Variants in PCCA observed in about 807,000 individuals in gnomAD.
The protein encoded by PCCA is propionyl-CoA carboxylase alpha chain, mitochondrial.
A neutral mutation model predicts 101.3 loss-of-function variants in PCCA; 74 were observed. The ratio of observed to expected loss-of-function variants is 0.73; its 90% CI spans 0.61 to 0.89. The LOEUF (loss-of-function observed/expected upper bound fraction) is 0.89, where lower values mean the gene tolerates loss of function less well. Ranked by LOEUF, PCCA falls within the 40% of genes least tolerant of loss-of-function variation. The probability of loss-of-function intolerance (pLI) is 0.00; values close to 1 mark genes in which losing one functional copy is unlikely to be tolerated. For synonymous variants in PCCA, 294 were observed against 313.6 expected (o/e 0.94, Z 0.66); for missense variants, 891 against 907.0 (o/e 0.98, Z 0.23).
chr13:100,484,304 G>A (rs1275309770), intron 21 of PCCA, among the ~76,000 whole-genome samples: 1 of 152,064 alleles, frequency 6.6e-6, no homozygotes, highest in African/African-American at 2.4e-5. Flanking sequence ...TGTTCTGCAG[G>A]AATTGACAGA....
intron 7 of PCCA, among the ~76,000 whole-genome samples, chr13:100,231,316 A>G (rs531717166): frequency 7.9e-4 from 120 of 152,176 alleles, no homozygotes; most frequent in African/African-American, 2.8e-3. Context: ...AAGGGGAGAG[A>G]GTTACTGGCT....
chr13:100,479,385 G>A (rs2083695178), intron 21 of PCCA, among the ~76,000 whole-genome samples: 1 of 152,170 alleles, frequency 6.6e-6, no homozygotes, highest in Non-Finnish European at 1.5e-5. Flanking sequence ...ACCCTGTGCA[G>A]TCAGAAATCT....
intron 19 of PCCA, among the ~76,000 whole-genome samples, chr13:100,371,906 A>G (rs1426829293): frequency 6.6e-6 from 1 of 152,208 alleles, no homozygotes; most frequent in Non-Finnish European, 1.5e-5. Flanking sequence ...GCTTTTGACA[A>G]GAGTTTCTAA....
chr13:100,494,474 G>A (rs900101646), intron 21 of PCCA, among the ~76,000 whole-genome samples: 5 of 151,908 alleles, frequency 3.3e-5, no homozygotes, highest in African/African-American at 7.3e-5. Context: ...ACCTGAGGTC[G>A]GGAGTTTGAG....
At chr13:100,349,709 TG>T (rs1224277315) in intron 18 of PCCA, among the ~76,000 whole-genome samples, 1 of 152,222 alleles carries the variant, frequency 6.6e-6, no homozygotes, top group Non-Finnish European at 1.5e-5. Context: ...GCACTCCCTT[TG>T]GTGGAGGATG....
chr13:100,352,343 C>T (rs371519287), intron 18 of PCCA, among the ~76,000 whole-genome samples: 7 of 150,438 alleles, frequency 4.7e-5, no homozygotes, highest in East Asian at 3.9e-4. Flanking sequence ...ACATTGTATT[C>T]GTAATATTAT....
intron 8 of PCCA, among the ~76,000 whole-genome samples, chr13:100,244,625 T>G (rs1482560439): frequency 1.3e-5 from 2 of 152,194 alleles, no homozygotes; most frequent in Non-Finnish European, 2.9e-5. Flanking sequence ...TTTTTTTGTT[T>G]GGAAACTTCC....
intron 18 of PCCA, among the ~76,000 whole-genome samples, chr13:100,341,979 A>ATATG (rs1555426220): frequency 1.1e-4 from 13 of 114,454 alleles, no homozygotes; most frequent in South Asian, 7.3e-4. Context: ...ATATATATAT[A>ATATG]TATGTATTTA....
intron 21 of PCCA, among the ~76,000 whole-genome samples, chr13:100,505,847 T>C (rs553548946): frequency 0.016 from 2,096 of 134,830 alleles, 48 homozygotes; most frequent in African/African-American, 0.053. Flanking sequence ...ACCCTGTTTC[T>C]CTGCCCACCC....
At chr13:100,256,053 G>A (rs1451304616) in intron 8 of PCCA, among the ~76,000 whole-genome samples, 1 of 151,968 alleles carries the variant, frequency 6.6e-6, no homozygotes, top group African/African-American at 2.4e-5. Flanking sequence ...GGAGTCTTGC[G>A]CTGGAGTGCA....
intron 12 of PCCA, among the ~76,000 whole-genome samples, chr13:100,275,847 A>G (rs970635055): frequency 1.3e-5 from 2 of 152,192 alleles, no homozygotes; most frequent in African/African-American, 4.8e-5. Context: ...CCAGACTGAC[A>G]AGGGAGCTTA....
rs765744368 is a variant in PCCA at position 100,301,602 on chromosome 13, A to G, written c.1208A>G (p.Glu403Gly). The G allele has an allele frequency of 6.2e-7, 1 of 1,614,058 alleles. No homozygotes were observed. ...GCAGTTGAATGTCGGGTTTATGCTG[A>G]GGTAAAATGAATGGTGTTGGGAGGA... The part of the protein sequence containing the change: ...GWAVECRVYA[E>G]DPYKSFGLPS... The change falls in exon 13 of 24, where the codon GAG becomes GGG. Residue 403 changes from glutamate (E) to glycine (G), a missense_variant and splice_region_variant. Transcript: ENST00000376285.
intron 5 of PCCA, among the ~76,000 whole-genome samples, chr13:100,156,805 G>T (rs2053937109): frequency 6.6e-6 from 1 of 152,194 alleles, no homozygotes; most frequent in South Asian, 2.1e-4. Context: ...CTGGGTTTTG[G>T]AAATTACCAG....
At chr13:100,441,856 A>G (rs2080390376) in intron 20 of PCCA, among the ~76,000 whole-genome samples, 1 of 152,188 alleles carries the variant, frequency 6.6e-6, no homozygotes, top group East Asian at 1.9e-4. Context: ...GTGGATTCTA[A>G]AACTGAATTA....
chr13:100,155,137 T>C (rs1293809290), intron 5 of PCCA, 45 bp downstream of exon 5: 1 of 1,218,492 alleles, frequency 8.2e-7, no homozygotes, highest in Admixed American at 1.7e-5. Context: ...TCATATGTAG[T>C]GAGCAGAAAG....
At position 100,500,209 on chromosome 13, in the gene PCCA, G is replaced by A. The variant is rs140201936; in HGVS notation, c.1900-15218G>A. 5.6e-3 allele frequency among the ~76,000 whole-genome samples: 854 copies of A among 152,256 alleles called. 7 individuals carry two copies. Among genetic ancestry groups the A allele is most frequent in the African/African-American group, 0.019 (797 of 41,536 alleles). On this transcript the variant is annotated intron_variant, in intron 21 of 23. Transcript: ENST00000376285. ...AGGCTCTCCACATTCTAGTAAGATT[G>A]TAGTACGGTTGAAAGTCAAATGAAA...
chr13:100,379,522 C>T (rs1416516678), intron 19 of PCCA, among the ~76,000 whole-genome samples: 2 of 152,176 alleles, frequency 1.3e-5, no homozygotes, highest in Admixed American at 1.3e-4. Flanking sequence ...CTTAAGATGG[C>T]ACTGCTTGCC....
At chr13:100,194,003 G>A (rs1481098840) in intron 6 of PCCA, among the ~76,000 whole-genome samples, 5 of 151,846 alleles carry the variant, frequency 3.3e-5, no homozygotes, top group South Asian at 2.1e-4. Flanking sequence ...CCTGGGAAGC[G>A]GAGCATGCAG....
intron 22 of PCCA, among the ~76,000 whole-genome samples, chr13:100,525,143 G>T (rs1160736391): frequency 6.6e-6 from 1 of 152,160 alleles, no homozygotes; most frequent in Non-Finnish European, 1.5e-5. Flanking sequence ...GAGCAGGGAG[G>T]ATCTAATTCT....
Sources: allele counts gnomAD v4.1 joint callset (sites outside exome capture counted in the v4.1 genomes callset), GRCh38; gene constraint gnomAD v4.1.1; transcripts MANE v1.5; gene names NCBI Gene and HGNC (gene_info 2026-07-23, HGNC 2026-07-21).